Variants in NCAPH observed in about 807,000 individuals in gnomAD.
The protein encoded by NCAPH is condensin complex subunit 2.
Under a neutral mutation model 85.5 loss-of-function variants are expected in NCAPH, and 38 were observed. That is an observed-to-expected ratio of 0.44 (90% CI 0.34 to 0.58). NCAPH has a LOEUF of 0.58. Ranked by LOEUF, NCAPH falls within the 20% of genes least tolerant of loss-of-function variation. The pLI, the probability that NCAPH is intolerant of heterozygous loss-of-function variation, is 0.01. For missense variants in NCAPH, 789 were observed against 916.6 expected, an observed-to-expected ratio of 0.86 and a Z score of 1.80; for synonymous variants, 301 against 335.1, an observed-to-expected ratio of 0.90 and a Z score of 1.11.
intron 6 of NCAPH, among the ~76,000 whole-genome samples, chr2:96,350,393 A>G (rs1481963121): frequency 6.6e-6 from 1 of 152,206 alleles, no homozygotes; most frequent in Non-Finnish European, 1.5e-5. Flanking sequence ...AACTACCTAC[A>G]CAAGACTTTT....
intron 3 of NCAPH, 105 bp downstream of exon 3, chr2:96,342,245 C>A: frequency 9.2e-7 from 1 of 1,086,862 alleles, no homozygotes; most frequent in Non-Finnish European, 1.4e-6. Flanking sequence ...TGATAATTCT[C>A]TGGTGAGTCA....
At chr2:96,351,767 G>A in intron 6 of NCAPH, 64 bp from the exon 7 acceptor site, 1 of 1,423,176 alleles carries the variant, frequency 7.0e-7, no homozygotes, top group Non-Finnish European at 9.5e-7. Context: ...CCAAATGCAT[G>A]AGAATTTATC....
At chr2:96,361,785 C>CATAT (rs1417783832) in intron 12 of NCAPH, among the ~76,000 whole-genome samples, 1 of 98,706 alleles carries the variant, frequency 1.0e-5, no homozygotes, top group African/African-American at 3.8e-5. Context: ...TATATATACA[C>CATAT]ATATATATGT....
In NCAPH at chr2:96,375,695, A is replaced by G. The variant is rs1172937662; in HGVS notation, c.*2344A>G. On this transcript the variant is annotated 3_prime_UTR_variant, in exon 18 of 18. Coordinates refer to ENST00000240423, the MANE Select transcript of NCAPH (RefSeq NM_015341.5). Reference sequence around the variant, plus strand: ...TATGCAAGATAAGTTTATTTTATATAAAATACTTTGGGAAGTAGGTGTTCT... The same window carrying G: ...TATGCAAGATAAGTTTATTTTATATGAAATACTTTGGGAAGTAGGTGTTCT... Among the ~76,000 whole-genome samples, 1 of 152,234 alleles carries G rather than the reference A, an allele frequency of 6.6e-6. No individual in the cohort carries two copies. The highest frequency in any genetic ancestry group is 1.9e-4 in the East Asian group (1 of 5,208).
Position 96,369,490 on chromosome 2 carries a change from C to G in NCAPH, c.2156C>G (p.Ala719Gly). The stretch of plus-strand genomic sequence containing the variant: ...GCTTTTGCCTGTCTCCTACATTTAG[C>G]CAATGAAAAGGTAGGTAATTAAGGT... ...PLAFACLLHLANEKNLKLEGT... is the reference protein window; with the variant it reads ...PLAFACLLHLGNEKNLKLEGT... The change falls in exon 17 of 18, where the codon GCC (alanine) becomes GGC (glycine). Residue 719 changes from alanine (A) to glycine (G), a missense_variant. By Grantham distance (60) the Ala-to-Gly change is moderately conservative. Coordinates refer to ENST00000240423, the MANE Select transcript of NCAPH (RefSeq NM_015341.5). 6.2e-7 allele frequency: 1 copy of G among 1,613,714 alleles called. No homozygotes were observed. The highest frequency in any genetic ancestry group is 8.5e-7 in the Non-Finnish European group (1 of 1,179,658).
Position 96,364,467 on chromosome 2 carries a change from A to T in NCAPH, c.1588-14A>T. The T allele has an allele frequency of 1.3e-6, 2 of 1,536,340 alleles. No individual in the cohort carries two copies. Among genetic ancestry groups the T allele is most frequent in the Middle Eastern group, 3.4e-4 (2 of 5,852 alleles). On this transcript the variant is annotated splice_polypyrimidine_tract_variant and intron_variant, in intron 12 of 17. Transcript: ENST00000240423. ...TTTAACAAAATAGCTTTCTGCATTT[A>T]TTCTTTCCTTTAGTTACTTAAGATG...
Position 96,373,401 on chromosome 2 carries a change from C to T in NCAPH, c.*50C>T. 6.5e-7 allele frequency: 1 copy of T among 1,547,232 alleles called. No individual in the cohort carries two copies. The highest frequency in any genetic ancestry group is 8.9e-7 in the Non-Finnish European group (1 of 1,120,768). ...AGGAGGCCCATCCCTTACTCAGTTG[C>T]CGGGACATCCCCAGTCTCGGGGGAA... is the stretch of plus-strand genomic sequence containing the variant. On this transcript the variant is annotated 3_prime_UTR_variant, in exon 18 of 18. Coordinates refer to ENST00000240423, the MANE Select transcript of NCAPH (RefSeq NM_015341.5).
intron 1 of NCAPH, 146 bp downstream of exon 1, chr2:96,335,994 TGCGGGGGGAGGGGAGGGCCGGC>T (rs1351914157): frequency 5.9e-6 from 2 of 338,996 alleles, no homozygotes; most frequent in African/African-American, 2.4e-5. Flanking sequence ...CAGAGGCCGG[TGCGGGGGGAGGGGAGGGCCGGC>T]GCGGGGCGGG....
In NCAPH at chr2:96,335,773, C is replaced by T. The variant is rs1463107056; in HGVS notation, c.-57C>T. 2 of 1,458,280 alleles carry T rather than the reference C, an allele frequency of 1.4e-6. No individual in the cohort carries two copies. The highest frequency in any genetic ancestry group is 3.0e-5 in the East Asian group (1 of 33,182). 90.3% of individuals were successfully genotyped at this position (1,458,280 alleles called of 1,614,324 possible). On this transcript the variant is annotated 5_prime_UTR_variant, in exon 1 of 18. Transcript: ENST00000240423. Reference sequence around the variant, plus strand: ...CGGCGACGTCACGCGGCCGTTACGGCGCTCAGGCGTCTCGACGCGCGCGAT... The same window carrying T: ...CGGCGACGTCACGCGGCCGTTACGGTGCTCAGGCGTCTCGACGCGCGCGAT...
rs1364317859 is a variant in NCAPH, at chr2:96,366,004, A to G, written c.1827A>G (p.Gln609=). 2 of 1,614,214 alleles carry G rather than the reference A, an allele frequency of 1.2e-6. No homozygotes were observed. Among genetic ancestry groups the G allele is most frequent in the Non-Finnish European group, 1.7e-6 (2 of 1,180,034 alleles). The part of the protein sequence containing the change: ...AQQNGDTPEA[Q]GLDITTYGES... ...AGAATGGTGACACTCCAGAAGCCCA[A>G]GGATTAGACATCACAACATATGGGG... Residue 609 remains glutamine (Q), a synonymous_variant, in exon 14 of 18, where the codon CAA becomes CAG. Transcript: ENST00000240423.
rs369732008 is a variant in NCAPH at position 96,341,153 on chromosome 2, TG to T, written c.20-487del. ...TTAGCAAATAATCTGGATGATTCTT[TG>T]GAACATTCTATTTGTTTTACATGTT... On this transcript the variant is annotated intron_variant, in intron 1 of 17. Coordinates refer to ENST00000240423, the MANE Select transcript of NCAPH (RefSeq NM_015341.5). 3.7e-4 allele frequency among the ~76,000 whole-genome samples: 56 copies of T among 152,320 alleles called. No homozygotes were observed. In the South Asian group the frequency reaches 0.012, roughly 32 times the overall value.
intron 1 of NCAPH, among the ~76,000 whole-genome samples, chr2:96,338,561 A>C (rs1230630929): frequency 1.3e-5 from 2 of 152,226 alleles, no homozygotes; most frequent in Non-Finnish European, 2.9e-5. Context: ...TGAGAAGACT[A>C]TCATGGATCA....
rs148553690 is a variant in NCAPH at position 96,343,272 on chromosome 2, C to T, written c.563C>T (p.Pro188Leu). 27 of 1,612,848 alleles carry T rather than the reference C, an allele frequency of 1.7e-5. No homozygotes were observed. Among genetic ancestry groups the T allele is most frequent in the East Asian group, 4.5e-5 (2 of 44,872 alleles). The change falls in exon 5 of 18, where the codon CCG becomes CTG. Residue 188 changes from proline (P) to leucine (L), a missense_variant. Pro to Leu is a moderately conservative substitution (Grantham distance 98, BLOSUM62 -3). Transcript: ENST00000240423. ...CTTGGGGGGCTGGGCAAAGATGCAC[C>T]GTCTTTGGAAGAAGTAGAAGGCCAT... ...RVLGGLGKDAPSLEEVEGHVA... is the reference protein window; with the variant it reads ...RVLGGLGKDALSLEEVEGHVA...
intron 17 of NCAPH, among the ~76,000 whole-genome samples, chr2:96,369,804 G>C (rs1431958072): frequency 6.6e-6 from 1 of 152,202 alleles, no homozygotes; most frequent in Non-Finnish European, 1.5e-5. Context: ...GGGTGTCAAA[G>C]ACTTTAAAGG....
At chr2:96,373,159 A>G (rs548589214) in intron 17 of NCAPH, 133 bp from the exon 18 acceptor site, 53 of 722,514 alleles carry the variant, frequency 7.3e-5, no homozygotes, top group South Asian at 6.5e-4. Flanking sequence ...TATACTTGCT[A>G]TGAAACAGTT....
chr2:96,364,942 T>C (rs2104489576), intron 13 of NCAPH, among the ~76,000 whole-genome samples: 1 of 152,344 alleles, frequency 6.6e-6, no homozygotes, highest in Non-Finnish European at 1.5e-5. Flanking sequence ...TATGAGCTAA[T>C]ATTTTGGCCA....
At chr2:96,349,171 T>G (rs2064402696) in intron 6 of NCAPH, among the ~76,000 whole-genome samples, 1 of 152,198 alleles carries the variant, frequency 6.6e-6, no homozygotes, top group South Asian at 2.1e-4. Flanking sequence ...CTGATTTCGC[T>G]AAGCCTGATA....
chr2:96,344,131 A>G lies in NCAPH; in HGVS notation c.622A>G (p.Thr208Ala). Residue 208 changes from threonine to alanine, a missense_variant, in exon 6 of 18, where the codon ACC becomes GCC. By Grantham distance (58) the Thr-to-Ala change is moderately conservative (BLOSUM62 0). Transcript: ENST00000240423. ...TGGAAGTGCTACTGAAATGGGAACA[A>G]CCAAAAAGGCTGTAAAGCCAAAGAA... is the stretch of plus-strand genomic sequence containing the variant. Reference protein sequence around the residue: ...ADGSATEMGTTKKAVKPKKKH... With the variant: ...ADGSATEMGTAKKAVKPKKKH... 6.2e-7 allele frequency: 1 copy of G among 1,613,480 alleles called. No individual in the cohort carries two copies. Among genetic ancestry groups the G allele is most frequent in the Non-Finnish European group, 8.5e-7 (1 of 1,179,848 alleles).
At chr2:96,360,290 C>T (rs2064586868) in intron 11 of NCAPH, 41 bp downstream of exon 11, 2 of 1,156,532 alleles carry the variant, frequency 1.7e-6, no homozygotes, top group African/African-American at 3.1e-5. Flanking sequence ...ACTCGTTTTT[C>T]CCTTTCAGAT....
Sources: allele counts gnomAD v4.1 joint callset (sites outside exome capture counted in the v4.1 genomes callset), GRCh38; gene constraint gnomAD v4.1.1; transcripts MANE v1.5; gene names NCBI Gene and HGNC (gene_info 2026-07-23, HGNC 2026-07-21).